DIAPH2: variants seen among roughly 807,000 people sequenced by gnomAD.
DIAPH2 encodes the protein diaphanous related formin 2, also known as protein diaphanous homolog 2.
In DIAPH2, 35 loss-of-function variants were observed where a neutral mutation model predicts 92.7. The ratio of observed to expected loss-of-function variants is 0.38; its 90% CI spans 0.29 to 0.50. The LOEUF (loss-of-function observed/expected upper bound fraction) is 0.50, where lower values mean the gene tolerates loss of function less well. Among genes scored for constraint, DIAPH2 ranks in the 20% least tolerant of loss-of-function variants. The pLI, the probability that DIAPH2 is intolerant of heterozygous loss-of-function variation, is 0.94. For missense variants in DIAPH2, 701 were observed against 819.5 expected, an observed-to-expected ratio of 0.86 and a Z score of 1.77; for synonymous variants, 301 against 280.4, an observed-to-expected ratio of 1.07 and a Z score of -0.73.
intron 23 of DIAPH2, among the ~76,000 whole-genome samples, chrX:97,343,702 AAAAAAAG>A (rs1351863030): frequency 6.4e-5 from 7 of 109,221 alleles, no homozygotes; most frequent in African/African-American, 2.4e-4. Flanking sequence ...AAAGCAAAAA[AAAAAAAG>A]AAAGAAAGAA....
intron 17 of DIAPH2, among the ~76,000 whole-genome samples, chrX:97,009,211 C>T (rs912009136): frequency 1.8e-5 from 2 of 111,132 alleles, no homozygotes; most frequent in African/African-American, 6.5e-5. Context: ...ATCACCACCC[C>T]AGGCCTGCAG....
In DIAPH2 at chrX:97,495,196, G is replaced by T. The variant is rs144294639; in HGVS notation, c.3241+65451G>T. On this transcript the variant is annotated intron_variant, in intron 26 of 26. Coordinates refer to ENST00000324765, the MANE Select transcript of DIAPH2 (RefSeq NM_006729.5). ...AAATTGCTCCTTACTCATTTCAGTA[G>T]AGTTTTTTCAGTTTTGTGTTTCTCT... Among the ~76,000 whole-genome samples the T allele has an allele frequency of 3.0e-3, 331 of 111,992 alleles. 1 individual carries two copies. The highest frequency in any genetic ancestry group is 8.6e-3 in the African/African-American group (265 of 30,879).
chrX:97,455,195 T>G lies in DIAPH2; in HGVS notation c.3241+25450T>G, dbSNP rs1413692649. Among the ~76,000 whole-genome samples, 3 of 112,115 alleles carry G rather than the reference T, an allele frequency of 2.7e-5. No homozygotes were observed. In the East Asian group the frequency reaches 8.3e-4, roughly 31 times the overall value. On this transcript the variant is annotated intron_variant, in intron 26 of 26. Coordinates refer to ENST00000324765, the MANE Select transcript of DIAPH2 (RefSeq NM_006729.5). Reference sequence around the variant, plus strand: ...GTGTGAGGTTTCTGGATAGCTGAGATCCTATTTTAGCTTTTCTATTTTAAA... The same window carrying G: ...GTGTGAGGTTTCTGGATAGCTGAGAGCCTATTTTAGCTTTTCTATTTTAAA...
chrX:97,417,756 A>G (rs1359169935), intron 25 of DIAPH2, among the ~76,000 whole-genome samples: 1 of 111,166 alleles, frequency 9.0e-6, no homozygotes, highest in Non-Finnish European at 1.9e-5. Context: ...ACCCCCACTT[A>G]TCTGAGAAGG....
At chrX:97,447,313 G>A (rs1047092267) in intron 26 of DIAPH2, among the ~76,000 whole-genome samples, 5 of 110,976 alleles carry the variant, frequency 4.5e-5, no homozygotes, top group African/African-American at 1.6e-4. Context: ...TGCAGCTGCA[G>A]TGGTATTACG....
At chrX:96,931,393 T>G (rs2065618141) in intron 10 of DIAPH2, among the ~76,000 whole-genome samples, 1 of 111,857 alleles carries the variant, frequency 8.9e-6, no homozygotes, top group Non-Finnish European at 1.9e-5. Flanking sequence ...TTTTGTATGC[T>G]GAATCTGAAA....
chrX:97,379,107 A>AT (rs1284334315), intron 24 of DIAPH2, among the ~76,000 whole-genome samples: 25 of 110,495 alleles, frequency 2.3e-4, no homozygotes, highest in East Asian at 5.7e-4. Flanking sequence ...CATTCCTAGT[A>AT]TTTTTTTTTC....
intron 26 of DIAPH2, among the ~76,000 whole-genome samples, chrX:97,494,119 GTATATATT>G (rs760945512): frequency 3.6e-4 from 6 of 16,860 alleles, no homozygotes; most frequent in Non-Finnish European, 8.9e-4. Context: ...TTATATATAT[GTATATATT>G]TGTGTGTGTG....
At chrX:97,220,848 C>T (rs778241934) in intron 22 of DIAPH2, among the ~76,000 whole-genome samples, 3 of 111,415 alleles carry the variant, frequency 2.7e-5, no homozygotes, top group Non-Finnish European at 5.7e-5. Context: ...TGTGTTTGTG[C>T]GTGTGTTGTA....
At position 96,884,512 on chromosome X, in the gene DIAPH2, G is replaced by A. The variant is rs778666124; in HGVS notation, c.587+2794G>A. ...GTTTGACCCTGTGTTCAAGGTTAGG[G>A]GAATTATAGTTTCCCAGGTCTCCAT... On this transcript the variant is annotated intron_variant, in intron 5 of 26. Transcript: ENST00000324765. The A allele has an allele frequency of 2.9e-5, 35 of 1,208,383 alleles. No homozygotes were observed. Among genetic ancestry groups the A allele is most frequent in the South Asian group, 7.1e-5 (4 of 56,696 alleles).
chrX:97,450,141 T>C (rs2070346929), intron 26 of DIAPH2, among the ~76,000 whole-genome samples: 1 of 111,633 alleles, frequency 9.0e-6, no homozygotes, highest in South Asian at 3.8e-4. Flanking sequence ...AAATAGTGGC[T>C]ATTGGTCCCT....
intron 26 of DIAPH2, among the ~76,000 whole-genome samples, chrX:97,588,891 ATGTACTT>A (rs1210049179): frequency 9.7e-6 from 1 of 103,217 alleles, no homozygotes; most frequent in East Asian, 3.0e-4. Context: ...TGAAAACAAT[ATGTACTT>A]TGTAGCTAAA....
intron 25 of DIAPH2, among the ~76,000 whole-genome samples, chrX:97,395,921 T>A (rs1602560509): frequency 8.9e-6 from 1 of 112,296 alleles, no homozygotes; most frequent in East Asian, 2.8e-4. Flanking sequence ...AGAAGATGAG[T>A]AACACTGGCA....
Position 97,036,670 on chromosome X carries a change from TC to T in DIAPH2, c.2051-36268del, listed in dbSNP as rs200630501. Among the ~76,000 whole-genome samples, 525 of 112,159 alleles carry T rather than the reference TC, an allele frequency of 4.7e-3. 6 individuals carry two copies. The highest frequency in any genetic ancestry group is 0.016 in the African/African-American group (506 of 30,940). ...TTAGAAGTGACCATCATTCTCTCTG[TC>T]CCAGCTTTGAACAAGTCAAAATGCA... On this transcript the variant is annotated intron_variant, in intron 17 of 26. Coordinates refer to ENST00000324765, the MANE Select transcript of DIAPH2 (RefSeq NM_006729.5).
intron 4 of DIAPH2, among the ~76,000 whole-genome samples, chrX:96,809,937 T>C (rs976565808): frequency 2.7e-5 from 3 of 112,373 alleles, no homozygotes; most frequent in Admixed American, 9.4e-5. Flanking sequence ...TTTGGGTTGG[T>C]TCCAAGTCTT....
chrX:96,840,977 C>T (rs2064933147), intron 4 of DIAPH2, among the ~76,000 whole-genome samples: 1 of 111,629 alleles, frequency 9.0e-6, no homozygotes, highest in Non-Finnish European at 1.9e-5. Context: ...AAGATTATCA[C>T]ATATCATGAA....
chrX:97,531,703 T>C (rs759049979), intron 26 of DIAPH2, among the ~76,000 whole-genome samples: 1 of 112,369 alleles, frequency 8.9e-6, no homozygotes, highest in Non-Finnish European at 1.9e-5. Context: ...AGACTGCTTA[T>C]GAGAACATTA....
At chrX:97,307,587 A>AC (rs1275521766) in intron 23 of DIAPH2, among the ~76,000 whole-genome samples, 1 of 111,626 alleles carries the variant, frequency 9.0e-6, no homozygotes, top group Non-Finnish European at 1.9e-5. Flanking sequence ...CATTAGTGGT[A>AC]CAAATTTCAT....
intron 22 of DIAPH2, among the ~76,000 whole-genome samples, chrX:97,194,768 A>G (rs953799420): frequency 1.8e-5 from 2 of 111,981 alleles, no homozygotes; most frequent in African/African-American, 6.5e-5. Context: ...TTATAGCTTA[A>G]CAGTATACAG....
Sources: allele counts gnomAD v4.1 joint callset (sites outside exome capture counted in the v4.1 genomes callset), GRCh38; gene constraint gnomAD v4.1.1; transcripts MANE v1.5; gene names NCBI Gene and HGNC (gene_info 2026-07-23, HGNC 2026-07-21).